The following SUGCT variants were observed in gnomAD, a reference collection of about 807,000 sequenced individuals.
The protein encoded by SUGCT is succinyl-CoA:glutarate CoA-transferase.
A neutral mutation model predicts 55.0 loss-of-function variants in SUGCT; 41 were observed. The ratio of observed to expected loss-of-function variants is 0.74; its 90% CI spans 0.58 to 0.97. The LOEUF (loss-of-function observed/expected upper bound fraction) is 0.97. Ranked by LOEUF, SUGCT falls within the 50% of genes least tolerant of loss-of-function variation. The pLI, the probability that SUGCT is intolerant of heterozygous loss-of-function variation, is 0.00. For synonymous variants in SUGCT, 187 were observed against 200.4 expected, an observed-to-expected ratio of 0.93 and a Z score of 0.56; for missense variants, 568 against 547.8, an observed-to-expected ratio of 1.04 and a Z score of -0.37.
rs149067395 is a variant in SUGCT, at chr7:40,684,368, T to C, written c.1090-65066T>C. On this transcript the variant is annotated intron_variant, in intron 12 of 13. Transcript: ENST00000335693. ...AAAGAGGCATTCCATTTTACTTAGA[T>C]TCCATTTCTGAGACTCTACCCTCTC... Among the ~76,000 whole-genome samples, 247 of 152,354 alleles carry C rather than the reference T, an allele frequency of 1.6e-3. 2 individuals carry two copies. Among genetic ancestry groups the C allele is most frequent in the African/African-American group, 5.8e-3 (241 of 41,600 alleles).
intron 12 of SUGCT, among the ~76,000 whole-genome samples, chr7:40,496,983 C>T (rs947666384): frequency 6.6e-6 from 1 of 151,996 alleles, no homozygotes; most frequent in Non-Finnish European, 1.5e-5. Context: ...AACAGGGTCA[C>T]CTGAAAATAT....
intron 7 of SUGCT, among the ~76,000 whole-genome samples, chr7:40,263,447 C>G (rs914399020): frequency 6.6e-6 from 1 of 152,098 alleles, no homozygotes; most frequent in African/African-American, 2.4e-5. Context: ...GCATTTGAAT[C>G]CAGAAAAGTG....
chr7:40,147,317 C>G (rs192082450), intron 1 of SUGCT, among the ~76,000 whole-genome samples: 3 of 152,214 alleles, frequency 2.0e-5, no homozygotes, highest in Admixed American at 1.3e-4. Context: ...TGAGGTTCAA[C>G]CCCCCCATCA....
intron 12 of SUGCT, among the ~76,000 whole-genome samples, chr7:40,543,807 T>A (rs560744992): frequency 6.6e-6 from 1 of 152,344 alleles, no homozygotes; most frequent in South Asian, 2.1e-4. Context: ...GTAGGGAGTT[T>A]GTAGAGTGTG....
intron 11 of SUGCT, 123 bp downstream of exon 11, chr7:40,459,321 A>C (rs1789666227): frequency 6.2e-6 from 4 of 647,664 alleles, no homozygotes; most frequent in Admixed American, 3.2e-5. Flanking sequence ...CCATTTTACA[A>C]AACTGGCTGG....
intron 12 of SUGCT, among the ~76,000 whole-genome samples, chr7:40,706,379 C>CA (rs1562956151): frequency 6.6e-6 from 1 of 152,072 alleles, no homozygotes; most frequent in Non-Finnish European, 1.5e-5. Context: ...TGGTGGTGCA[C>CA]ACCTGTAGTC....
At chr7:40,253,492 C>T (rs13247974) in intron 7 of SUGCT, among the ~76,000 whole-genome samples, 61,411 of 152,118 alleles carry the variant, frequency 0.4, 12,833 homozygotes, top group East Asian at 0.5. Context: ...CTGTACTGTA[C>T]CCCCCAAATC....
At chr7:40,193,185 T>C (rs900225315) in intron 5 of SUGCT, among the ~76,000 whole-genome samples, 1 of 151,574 alleles carries the variant, frequency 6.6e-6, no homozygotes, top group Admixed American at 6.6e-5. Flanking sequence ...CAGGCATGTC[T>C]TGAACTCCTG....
chr7:40,984,567 G>A, the SUGCT span, among the ~76,000 whole-genome samples: 2 of 152,040 alleles, frequency 1.3e-5, no homozygotes, highest in African/African-American at 4.8e-5. Flanking sequence ...GGGCAGATAG[G>A]ACTTGTTTCT....
At chr7:40,665,220 C>T (rs923757938) in intron 12 of SUGCT, among the ~76,000 whole-genome samples, 31 of 151,152 alleles carry the variant, frequency 2.1e-4, no homozygotes, top group African/African-American at 7.4e-4. Flanking sequence ...GGGCGGATCA[C>T]CTGAGGTCAG....
chr7:40,737,768 A>C (rs1787242849), intron 12 of SUGCT, among the ~76,000 whole-genome samples: 2 of 152,142 alleles, frequency 1.3e-5, no homozygotes, highest in Admixed American at 6.6e-5. Flanking sequence ...TCGTCTTGAT[A>C]TAAAAATTAG....
intron 12 of SUGCT, among the ~76,000 whole-genome samples, chr7:40,700,901 C>T (rs1785146174): frequency 6.6e-6 from 1 of 152,192 alleles, no homozygotes; most frequent in African/African-American, 2.4e-5. Context: ...AGAGCCACCG[C>T]AGAACCAAAA....
At chr7:40,563,381 C>T (rs1459349876) in intron 12 of SUGCT, among the ~76,000 whole-genome samples, 1 of 152,036 alleles carries the variant, frequency 6.6e-6, no homozygotes, top group African/African-American at 2.4e-5. Flanking sequence ...ATTTGGTTTA[C>T]GTGGTTGCCT....
intron 6 of SUGCT, among the ~76,000 whole-genome samples, chr7:40,230,216 A>G (rs1788638636): frequency 6.6e-6 from 1 of 152,176 alleles, no homozygotes; most frequent in African/African-American, 2.4e-5. Flanking sequence ...CTGACAAACA[A>G]TGGAGATGAG....
At chr7:40,608,186 A>G (rs1798613764) in intron 12 of SUGCT, among the ~76,000 whole-genome samples, 1 of 152,172 alleles carries the variant, frequency 6.6e-6, no homozygotes. Context: ...ACATACATGA[A>G]GTAGATCAGG....
intron 13 of SUGCT, among the ~76,000 whole-genome samples, chr7:40,763,120 A>C (rs1351118439): frequency 6.6e-6 from 1 of 152,140 alleles, no homozygotes; most frequent in Non-Finnish European, 1.5e-5. Flanking sequence ...CCCAGCCAGC[A>C]TAAAAAATTT....
intron 13 of SUGCT, among the ~76,000 whole-genome samples, chr7:40,802,738 T>G (rs1203575): frequency 6.6e-6 from 1 of 152,054 alleles, no homozygotes; most frequent in Non-Finnish European, 1.5e-5. Flanking sequence ...TTGAGTCACA[T>G]GTGCTTTCTA....
the SUGCT span, among the ~76,000 whole-genome samples, chr7:40,962,565 TCACA>T: frequency 0.29 from 39,118 of 135,702 alleles, 5,432 homozygotes; most frequent in East Asian, 0.32. Context: ...CAAAGGTAAA[TCACA>T]CACACACACA....
At chr7:40,552,582 C>T (rs991243135) in intron 12 of SUGCT, among the ~76,000 whole-genome samples, 6 of 152,128 alleles carry the variant, frequency 3.9e-5, no homozygotes, top group African/African-American at 1.4e-4. Flanking sequence ...TTTCCTTTGT[C>T]AGCATGACAA....
Sources: allele counts gnomAD v4.1 joint callset (sites outside exome capture counted in the v4.1 genomes callset), GRCh38; gene constraint gnomAD v4.1.1; transcripts MANE v1.5; gene names NCBI Gene and HGNC (gene_info 2026-07-23, HGNC 2026-07-21).